The following ABCC1 variants were observed in gnomAD, a reference collection of about 807,000 sequenced individuals.
The protein encoded by ABCC1 is ATP binding cassette subfamily C member 1 (ABCC1 blood group).
ABCC1 carries 83 observed loss-of-function variants against 172.9 expected under a neutral mutation model. The observed-to-expected ratio is 0.48, with a 90% confidence interval of 0.40 to 0.58. The LOEUF (loss-of-function observed/expected upper bound fraction) is 0.58, where lower values mean the gene tolerates loss of function less well. Among genes scored for constraint, ABCC1 ranks in the 20% least tolerant of loss-of-function variants. ABCC1 has a pLI of 0.00. For missense variants in ABCC1, 1,817 were observed against 2,002.7 expected, an observed-to-expected ratio of 0.91 and a Z score of 1.77; for synonymous variants, 937 against 825.2, an observed-to-expected ratio of 1.14 and a Z score of -2.32.
chr16:15,982,303 G>A (rs544784471), intron 1 of ABCC1, among the ~76,000 whole-genome samples: 16 of 152,180 alleles, frequency 1.1e-4, no homozygotes, highest in Admixed American at 1.0e-3. Flanking sequence ...CCCAAGACTG[G>A]GTAGTTTATA....
chr16:15,960,455 T>C (rs1247925349), intron 1 of ABCC1, among the ~76,000 whole-genome samples: 1 of 152,172 alleles, frequency 6.6e-6, no homozygotes, highest in Non-Finnish European at 1.5e-5. Flanking sequence ...TCATTATTAA[T>C]TGAGCAGCTA....
intron 1 of ABCC1, among the ~76,000 whole-genome samples, chr16:15,950,174 G>A (rs566568744): frequency 1.3e-5 from 2 of 152,134 alleles, no homozygotes; most frequent in South Asian, 2.1e-4. Flanking sequence ...CTCTGCTTCT[G>A]TTTTCCCATC....
intron 12 of ABCC1, among the ~76,000 whole-genome samples, chr16:16,060,355 G>A (rs1458829927): frequency 1.3e-5 from 2 of 152,152 alleles, no homozygotes; most frequent in African/African-American, 4.8e-5. Flanking sequence ...CAGGTGACTG[G>A]TGCCAGTGGC....
chr16:16,128,074 C>G (rs2045516019), intron 26 of ABCC1, among the ~76,000 whole-genome samples: 1 of 151,410 alleles, frequency 6.6e-6, no homozygotes, highest in South Asian at 2.1e-4. Context: ...GTACCCACCA[C>G]CCCGCCCAGC....
intron 18 of ABCC1, among the ~76,000 whole-genome samples, chr16:16,087,967 C>A (rs1324011577): frequency 6.6e-6 from 1 of 152,074 alleles, no homozygotes. Flanking sequence ...TACATGACCT[C>A]TTGTAATCGT....
At chr16:15,972,014 C>G (rs545578978) in intron 1 of ABCC1, among the ~76,000 whole-genome samples, 1 of 152,130 alleles carries the variant, frequency 6.6e-6, no homozygotes, top group Middle Eastern at 3.2e-3. Flanking sequence ...AAATAACATG[C>G]GTTGAGGTCA....
Position 16,102,735 on chromosome 16 carries a change from G to C in ABCC1, c.2735+18G>C. The C allele has an allele frequency of 6.4e-7, 1 of 1,558,400 alleles. No individual in the cohort carries two copies. The highest frequency in any genetic ancestry group is 1.7e-4 in the Middle Eastern group (1 of 5,754). On this transcript the variant is annotated intron_variant, in intron 20 of 30. Coordinates refer to ENST00000399410, the MANE Select transcript of ABCC1 (RefSeq NM_004996.4). Reference sequence around the variant, plus strand: ...CTGCAGAGGTAAGGGCGGGGAGGAAGGCCCCAACCTAAGGACCCTGCCCTG... The same window carrying C: ...CTGCAGAGGTAAGGGCGGGGAGGAACGCCCCAACCTAAGGACCCTGCCCTG...
intron 12 of ABCC1, among the ~76,000 whole-genome samples, chr16:16,067,497 T>G (rs1239985252): frequency 6.6e-6 from 1 of 152,124 alleles, no homozygotes; most frequent in Non-Finnish European, 1.5e-5. Flanking sequence ...CCTGTGCAAA[T>G]AAACACCCTA....
At chr16:15,985,084 G>C (rs1389078486) in intron 1 of ABCC1, among the ~76,000 whole-genome samples, 2 of 152,134 alleles carry the variant, frequency 1.3e-5, no homozygotes, top group Admixed American at 6.6e-5. Context: ...GCCTGGGTGA[G>C]AGAGTGAGAC....
Position 16,102,686 on chromosome 16 carries a change from G to T in ABCC1, c.2704G>T (p.Val902Leu). 6.3e-7 allele frequency: 1 copy of T among 1,588,448 alleles called. No homozygotes were observed. Residue 902 changes from valine (V) to leucine (L), a missense_variant, in exon 20 of 31, where the codon GTG becomes TTG. Val to Leu is a conservative substitution (Grantham distance 32). This residue lies in a region of ABCC1 where 1,412 missense variants were observed against 1,600.3 expected (regional missense o/e 0.88). Coordinates refer to ENST00000399410, the MANE Select transcript of ABCC1 (RefSeq NM_004996.4). ...AAAGCAAATGGAGAATGGCATGCTG[G>T]TGACGGACAGTGCAGGGAAGCAACT... is the stretch of plus-strand genomic sequence containing the variant. ...EAKQMENGML[V>L]TDSAGKQLQR... is the part of the protein sequence containing the mutation.
At chr16:16,135,183 A>G (rs1207999106) in intron 28 of ABCC1, among the ~76,000 whole-genome samples, 1 of 152,144 alleles carries the variant, frequency 6.6e-6, no homozygotes, top group Non-Finnish European at 1.5e-5. Context: ...TTAATTTTCG[A>G]TTCACGGGGT....
chr16:16,023,982 G>T (rs919852851), intron 5 of ABCC1, among the ~76,000 whole-genome samples: 2 of 152,120 alleles, frequency 1.3e-5, no homozygotes, highest in Admixed American at 1.3e-4. Flanking sequence ...ACTTTGGGAG[G>T]CCGAGGCAGG....
chr16:15,996,637 C>G (rs2047065133), intron 1 of ABCC1, among the ~76,000 whole-genome samples: 1 of 151,926 alleles, frequency 6.6e-6, no homozygotes, highest in African/African-American at 2.4e-5. Context: ...ATGCGTTATC[C>G]CTGCAGGCCT....
intron 1 of ABCC1, among the ~76,000 whole-genome samples, chr16:15,997,484 T>A (rs557255439): frequency 1.1e-4 from 17 of 152,338 alleles, no homozygotes; most frequent in African/African-American, 3.8e-4. Context: ...TGTTCAGGAC[T>A]CATCTCTTGT....
intron 2 of ABCC1, among the ~76,000 whole-genome samples, chr16:16,009,507 CGGGGAGCAT>C (rs1051853018): frequency 2.6e-5 from 4 of 152,044 alleles, no homozygotes; most frequent in Non-Finnish European, 5.9e-5. Flanking sequence ...GTTCAGGCAC[CGGGGAGCAT>C]GGTGACCAGA....
At chr16:16,127,699 T>G (rs1286081631) in intron 26 of ABCC1, among the ~76,000 whole-genome samples, 1 of 151,986 alleles carries the variant, frequency 6.6e-6, no homozygotes, top group Non-Finnish European at 1.5e-5. Context: ...CCCTTGGGAG[T>G]GAGACCAAGG....
intron 1 of ABCC1, among the ~76,000 whole-genome samples, chr16:15,966,615 CTG>C (rs2046248836): frequency 6.6e-6 from 1 of 151,114 alleles, no homozygotes; most frequent in South Asian, 2.1e-4. Context: ...CAGGATCTCT[CTG>C]AGTGCTGCAA....
intron 7 of ABCC1, among the ~76,000 whole-genome samples, chr16:16,043,472 A>G (rs2049070852): frequency 6.8e-6 from 1 of 147,382 alleles, no homozygotes; most frequent in South Asian, 2.1e-4. Context: ...CTGATTTTGT[A>G]TTTTTAGTAG....
chr16:16,030,774 C>T (rs1227304725), intron 5 of ABCC1, among the ~76,000 whole-genome samples: 2 of 152,016 alleles, frequency 1.3e-5, no homozygotes, highest in Non-Finnish European at 2.9e-5. Context: ...AAAACAAAAA[C>T]AAAGCTTCAG....
Sources: allele counts gnomAD v4.1 joint callset (sites outside exome capture counted in the v4.1 genomes callset), GRCh38; gene constraint gnomAD v4.1.1; regional missense constraint gnomAD v4.1.1; transcripts MANE v1.5; gene names NCBI Gene and HGNC (gene_info 2026-07-23, HGNC 2026-07-21).